Variants in ITCH observed in about 807,000 individuals in gnomAD.
The protein encoded by ITCH is E3 ubiquitin-protein ligase Itchy homolog.
In ITCH, 28 loss-of-function variants were observed where a neutral mutation model predicts 126.8. The ratio of observed to expected loss-of-function variants is 0.22; its 90% CI spans 0.16 to 0.30. The LOEUF (loss-of-function observed/expected upper bound fraction) is 0.30. Among genes scored for constraint, ITCH ranks in the 10% least tolerant of loss-of-function variants. The probability of loss-of-function intolerance (pLI) is 1.00; values close to 1 mark genes in which losing one functional copy is unlikely to be tolerated. For synonymous variants in ITCH, 342 were observed against 340.0 expected, an observed-to-expected ratio of 1.01 and a Z score of -0.06; for missense variants, 631 against 1,032.4, an observed-to-expected ratio of 0.61 and a Z score of 5.33.
intron 8 of ITCH, among the ~76,000 whole-genome samples, chr20:34,439,191 T>G (rs2146282357): frequency 6.6e-6 from 1 of 152,348 alleles, no homozygotes; most frequent in East Asian, 1.9e-4. Context: ...TGCAGTGTAG[T>G]TAAACCAAAT....
At chr20:34,400,649 T>TC (rs1555856837) in intron 3 of ITCH, among the ~76,000 whole-genome samples, 2 of 148,138 alleles carry the variant, frequency 1.4e-5, no homozygotes, top group African/African-American at 5.0e-5. Flanking sequence ...AATTTTTCTT[T>TC]TTTTTTTTTT....
intron 1 of ITCH, among the ~76,000 whole-genome samples, chr20:34,363,871 C>T (rs2037299760): frequency 6.6e-6 from 1 of 152,176 alleles, no homozygotes; most frequent in Non-Finnish European, 1.5e-5. Flanking sequence ...CTCTCTCCCA[C>T]TCGCCTCCTC....
At position 34,479,699 on chromosome 20, in the gene ITCH, G is replaced by T. The variant is rs778741830; in HGVS notation, c.1728G>T (p.Lys576Asn). The part of the protein sequence containing the change: ...PMYCLFEYAG[K>N]DNYCLQINPA... ...ATTGCCTGTTTGAATATGCAGGGAA[G>T]GATAACTACTGCTTGCAGATAAACC... Residue 576 changes from lysine to asparagine, a missense_variant, in exon 18 of 25, where the codon AAG becomes AAT. By Grantham distance (94) the Lys-to-Asn change is moderately conservative. Transcript: ENST00000374864. 2 of 1,613,598 alleles carry T rather than the reference G, an allele frequency of 1.2e-6. No homozygotes were observed. The highest frequency in any genetic ancestry group is 1.7e-6 in the Non-Finnish European group (2 of 1,179,534).
At chr20:34,480,453 C>T (rs1363994081) in intron 18 of ITCH, 146 bp from the exon 19 acceptor site, 25 of 886,086 alleles carry the variant, frequency 2.8e-5, no homozygotes, top group African/African-American at 1.3e-4. Flanking sequence ...CCACCCACCT[C>T]GGCCTCCCAG....
intron 16 of ITCH, among the ~76,000 whole-genome samples, chr20:34,475,233 C>T (rs1029976258): frequency 6.6e-5 from 10 of 152,168 alleles, no homozygotes; most frequent in Admixed American, 2.0e-4. Context: ...CAGAGATGCT[C>T]CTCACTTCCC....
chr20:34,506,938 G>A (rs1225655869), intron 24 of ITCH, among the ~76,000 whole-genome samples: 2 of 152,124 alleles, frequency 1.3e-5, no homozygotes, highest in African/African-American at 2.4e-5. Context: ...TTGATAGTCT[G>A]GATATACTAC....
Position 34,475,889 on chromosome 20 carries a change from T to C in ITCH, c.1570-1883T>C, listed in dbSNP as rs1266768612. ...CTTAAATAATAATTATAAAAATAGG[T>C]AAAATTCCATGAAAATATTCCTATT... On this transcript the variant is annotated intron_variant, in intron 16 of 24. Coordinates refer to ENST00000374864, the MANE Select transcript of ITCH (RefSeq NM_031483.7). The C allele has an allele frequency of 3.9e-6, 4 of 1,013,786 alleles. No homozygotes were observed. The East Asian group carries it at 9.7e-5, about 25-fold the overall frequency. 62.8% of individuals were successfully genotyped at this position (1,013,786 alleles called of 1,614,324 possible).
intron 20 of ITCH, among the ~76,000 whole-genome samples, chr20:34,482,952 C>A (rs1212829790): frequency 1.3e-5 from 2 of 152,200 alleles, no homozygotes; most frequent in African/African-American, 4.8e-5. Flanking sequence ...CTTCTGTGCA[C>A]CCTCAGGCTC....
chr20:34,470,772 A>G (rs1311225544), intron 15 of ITCH, among the ~76,000 whole-genome samples: 2 of 152,060 alleles, frequency 1.3e-5, no homozygotes, highest in Non-Finnish European at 2.9e-5. Context: ...TTTAGTAGAG[A>G]CAGGGTCCCC....
intron 12 of ITCH, among the ~76,000 whole-genome samples, chr20:34,455,787 ATCT>A (rs1417639205): frequency 6.6e-6 from 1 of 151,964 alleles, no homozygotes. Flanking sequence ...CAATATCCAC[ATCT>A]TCTAAACCTT....
At chr20:34,368,906 T>A (rs1365173952) in intron 1 of ITCH, among the ~76,000 whole-genome samples, 1 of 152,190 alleles carries the variant, frequency 6.6e-6, no homozygotes, top group African/African-American at 2.4e-5. Flanking sequence ...CCATAATACG[T>A]ATGAATCATT....
rs1020981457 is a variant in ITCH at position 34,475,942 on chromosome 20, A to G, written c.1570-1830A>G. The G allele has an allele frequency of 7.5e-6, 11 of 1,458,658 alleles. No individual in the cohort carries two copies. In the African/African-American group the frequency reaches 1.4e-4, roughly 18 times the overall value. 90.4% of individuals were successfully genotyped at this position (1,458,658 alleles called of 1,614,324 possible). ...TTCTAGTTCAGGAGGTCTTGCCCAC[A>G]TCAATGGATTGTCTGGCATCAGCCA... is the stretch of plus-strand genomic sequence containing the variant. On this transcript the variant is annotated intron_variant, in intron 16 of 24. Coordinates refer to ENST00000374864, the MANE Select transcript of ITCH (RefSeq NM_031483.7).
intron 3 of ITCH, among the ~76,000 whole-genome samples, chr20:34,399,650 G>A (rs893370733): frequency 4.6e-5 from 7 of 151,928 alleles, no homozygotes; most frequent in African/African-American, 7.3e-5. Context: ...GGATAGCCTG[G>A]CCAACATGGT....
intron 2 of ITCH, among the ~76,000 whole-genome samples, chr20:34,377,036 A>G (rs373616984): frequency 6.0e-4 from 92 of 152,278 alleles, no homozygotes; most frequent in Non-Finnish European, 9.0e-4. Flanking sequence ...TTGATGGATT[A>G]CATACGTTTT....
intron 23 of ITCH, among the ~76,000 whole-genome samples, chr20:34,503,892 T>TTTG (rs1990447411): frequency 1.4e-5 from 2 of 144,654 alleles, no homozygotes; most frequent in African/African-American, 5.3e-5. Flanking sequence ...TTGGTTTTTT[T>TTTG]TTTTTTTGAG....
intron 12 of ITCH, 36 bp from the exon 13 acceptor site, chr20:34,457,354 A>T (rs774673681): frequency 7.2e-7 from 1 of 1,384,720 alleles, no homozygotes; most frequent in East Asian, 2.3e-5. Flanking sequence ...GCCAATGCTA[A>T]TGCTTTGCTT....
At position 34,438,618 on chromosome 20, in the gene ITCH, C is replaced by T; in HGVS notation, c.666C>T (p.Thr222=). ...PPRPSRPPPP[T]PRRPASVNGS... is the part of the protein sequence containing the mutation. ...GACCTTCACGACCACCACCACCCAC[C>T]CCACGTAGACCAGGTTTGTATTCCA... Residue 222 remains threonine, a synonymous_variant, in exon 8 of 25, where the codon ACC becomes ACT. Transcript: ENST00000374864. 1 of 1,613,900 alleles carries T rather than the reference C, an allele frequency of 6.2e-7. No individual in the cohort carries two copies. The highest frequency in any genetic ancestry group is 2.2e-5 in the East Asian group (1 of 44,870).
chr20:34,477,260 A>G (rs774071961), intron 16 of ITCH, among the ~76,000 whole-genome samples: 55 of 152,192 alleles, frequency 3.6e-4, no homozygotes, highest in Non-Finnish European at 5.9e-5. Flanking sequence ...GCCGGGCATG[A>G]TGGCTCACGT....
chr20:34,367,470 G>A (rs2037462843), intron 1 of ITCH, among the ~76,000 whole-genome samples: 1 of 152,150 alleles, frequency 6.6e-6, no homozygotes, highest in South Asian at 2.1e-4. Flanking sequence ...GAGTTTTAGA[G>A]TTGGGAGAAG....
Sources: gnomAD v4.1 joint callset for allele counts (sites outside exome capture counted in the v4.1 genomes callset) on GRCh38, gnomAD v4.1.1 for gene constraint, MANE v1.5 for transcripts, NCBI Gene and HGNC (gene_info 2026-07-23, HGNC 2026-07-21) for gene names.